F8: variants seen among roughly 807,000 people sequenced by gnomAD.
The protein encoded by F8 is antihemophilic factor.
F8 carries 12 observed loss-of-function variants against 140.6 expected under a neutral mutation model. The observed-to-expected ratio is 0.09, with a 90% confidence interval of 0.05 to 0.14. The LOEUF is 0.14. F8 is among the 10% of genes least tolerant of loss of function. The probability of loss-of-function intolerance (pLI) is 1.00; values close to 1 mark genes in which losing one functional copy is unlikely to be tolerated. For missense variants in F8, 1,354 were observed against 1,720.7 expected (o/e 0.79, Z 3.77); for synonymous variants, 585 against 614.6 (o/e 0.95, Z 0.71).
chrX:154,871,836 T>TA (rs1362756982), intron 22 of F8, among the ~76,000 whole-genome samples: 1 of 111,330 alleles, frequency 9.0e-6, no homozygotes, highest in Admixed American at 9.5e-5. Context: ...ACAAAGAACT[T>TA]AAACAAATTT....
At chrX:154,953,591 T>C (rs782481527) in intron 12 of F8, among the ~76,000 whole-genome samples, 1 of 111,530 alleles carries the variant, frequency 9.0e-6, no homozygotes, top group Non-Finnish European at 1.9e-5. Flanking sequence ...ATAGAGAAAA[T>C]ATGTCTTAAA....
chrX:155,008,614 T>C (rs28370234), intron 1 of F8, among the ~76,000 whole-genome samples: 2,195 of 111,097 alleles, frequency 0.02, 68 homozygotes, highest in African/African-American at 0.067. Context: ...GTCCCAGCCA[T>C]TGGGTGTGGG....
chrX:154,855,619 A>G (rs2072645761), intron 25 of F8, among the ~76,000 whole-genome samples: 1 of 111,155 alleles, frequency 9.0e-6, no homozygotes, highest in East Asian at 2.8e-4. Context: ...TGTCAGTGAA[A>G]GTTTTCTCTC....
chrX:154,987,493 A>C (rs782375376), intron 4 of F8, among the ~76,000 whole-genome samples, 188 bp from the exon 5 acceptor site: 14 of 112,523 alleles, frequency 1.2e-4, no homozygotes, highest in African/African-American at 4.5e-4. Context: ...TGGAGCAAAG[A>C]ATTTTTTTAT....
chrX:154,888,166 G>T (rs1280474054), intron 22 of F8: 1 of 87,651 alleles, frequency 1.1e-5, no homozygotes, highest in African/African-American at 5.4e-5. Flanking sequence ...GGATGTATTC[G>T]TTCCTTTGAA....
intron 12 of F8, among the ~76,000 whole-genome samples, chrX:154,951,899 T>C (rs1438101844): frequency 9.0e-6 from 1 of 111,660 alleles, no homozygotes; most frequent in Non-Finnish European, 1.9e-5. Flanking sequence ...AAAAAAAATA[T>C]ATATCATCTT....
intron 12 of F8, among the ~76,000 whole-genome samples, chrX:154,950,237 T>C (rs1557280633): frequency 8.9e-6 from 1 of 112,256 alleles, no homozygotes; most frequent in Non-Finnish European, 1.9e-5. Flanking sequence ...ATTCAGGACA[T>C]AACAGGTGTA....
intron 14 of F8, chrX:154,919,687 G>A: frequency 2.2e-6 from 1 of 447,409 alleles, no homozygotes; most frequent in Non-Finnish European, 3.7e-6. Flanking sequence ...TCATGTAACA[G>A]CTGCTCCTGT....
At chrX:154,852,544 A>G (rs2072624012) in intron 25 of F8, among the ~76,000 whole-genome samples, 1 of 111,491 alleles carries the variant, frequency 9.0e-6, no homozygotes, top group Non-Finnish European at 1.9e-5. Flanking sequence ...TGGACTCTCA[A>G]TTCTATTCCA....
rs371420027 is a variant in F8, at chrX:155,022,415, G to A, written c.138C>T (p.Asp46=). ...CCTACAGGACATGCCTTTACCTTGC[G>A]TCCACAGGCAGCTCACCGAGATCAC... The part of the protein sequence containing the change: ...MQSDLGELPV[D]ARFPPRVPKS... Residue 46 remains aspartate, a synonymous_variant, in exon 1 of 26, where the codon GAC becomes GAT. Transcript: ENST00000360256. The A allele has an allele frequency of 1.7e-6, 2 of 1,208,602 alleles. No individual in the cohort carries two copies. The highest frequency in any genetic ancestry group is 2.2e-6 in the Non-Finnish European group (2 of 894,271).
At chrX:154,940,800 G>A (rs4898353) in intron 13 of F8, among the ~76,000 whole-genome samples, 59,786 of 111,163 alleles carry the variant, frequency 0.54, 13,314 homozygotes, top group East Asian at 0.78. Flanking sequence ...AAGCCCATCA[G>A]ACTAACAGCT....
chrX:154,860,373 C>T, intron 25 of F8, 59 bp downstream of exon 25: 4 of 1,157,787 alleles, frequency 3.5e-6, no homozygotes, highest in African/African-American at 1.8e-5. Flanking sequence ...TTATGTTAAG[C>T]TCTAGGAGAG....
chrX:154,895,926 T>C (rs782098531), intron 22 of F8, 151 bp downstream of exon 22: 3 of 559,003 alleles, frequency 5.4e-6, no homozygotes, highest in Non-Finnish European at 9.1e-6. Flanking sequence ...ACATTTTTGC[T>C]GATATGTCCG....
At chrX:154,862,958 T>C in intron 23 of F8, 125 bp downstream of exon 23, 1 of 758,759 alleles carries the variant, frequency 1.3e-6, no homozygotes, top group Non-Finnish European at 2.0e-6. Context: ...ACTATGCTGG[T>C]TTTAGCACTG....
chrX:154,874,307 A>G (rs1449427191), intron 22 of F8, among the ~76,000 whole-genome samples: 2 of 112,806 alleles, frequency 1.8e-5, no homozygotes, highest in Non-Finnish European at 3.7e-5. Flanking sequence ...GTTATGGACT[A>G]TAACTTATTA....
chrX:154,862,259 C>T (rs28739579), intron 23 of F8, among the ~76,000 whole-genome samples: 29 of 111,224 alleles, frequency 2.6e-4, no homozygotes, highest in Non-Finnish European at 5.1e-4. Context: ...ATCTCCTGAC[C>T]TCGTGATCCA....
chrX:154,868,126 AT>A (rs1479017928), intron 22 of F8, among the ~76,000 whole-genome samples: 1 of 111,870 alleles, frequency 8.9e-6, no homozygotes, highest in Non-Finnish European at 1.9e-5. Flanking sequence ...AGATACTGAT[AT>A]GGTTTGGCTC....
chrX:155,018,373 C>T (rs1202233213), intron 1 of F8, among the ~76,000 whole-genome samples: 5 of 111,228 alleles, frequency 4.5e-5, no homozygotes, highest in Admixed American at 9.6e-5. Context: ...AACAGACTGA[C>T]GAGTTTTATA....
intron 1 of F8, among the ~76,000 whole-genome samples, chrX:155,002,684 T>C (rs1261085029): frequency 1.8e-5 from 2 of 111,389 alleles, no homozygotes; most frequent in Non-Finnish European, 3.8e-5. Flanking sequence ...ACAATTGATG[T>C]ATAAATATCT....
Sources: allele counts gnomAD v4.1 joint callset (sites outside exome capture counted in the v4.1 genomes callset), GRCh38; gene constraint gnomAD v4.1.1; transcripts MANE v1.5; gene names NCBI Gene and HGNC (gene_info 2026-07-23, HGNC 2026-07-21).